Variants in SEPTIN11 observed in about 807,000 individuals in gnomAD.
SEPTIN11 encodes the protein septin 11, also known as septin-11.
SEPTIN11 carries 25 observed loss-of-function variants against 51.4 expected under a neutral mutation model. The observed-to-expected ratio is 0.49, with a 90% confidence interval of 0.35 to 0.68. The LOEUF is 0.68. Ranked by LOEUF, SEPTIN11 falls within the 30% of genes least tolerant of loss-of-function variation. SEPTIN11 has a pLI of 0.00. For synonymous variants in SEPTIN11, 174 were observed against 184.1 expected (o/e 0.95, Z 0.44); for missense variants, 381 against 520.8 (o/e 0.73, Z 2.61).
chr4:76,995,435 T>G (rs1723641434), intron 1 of SEPTIN11, among the ~76,000 whole-genome samples: 1 of 150,818 alleles, frequency 6.6e-6, no homozygotes, highest in South Asian at 2.1e-4. Context: ...AAATGGAGCT[T>G]TGAGGATCAT....
In SEPTIN11 at chr4:76,984,691, T is replaced by G. The variant is rs1402436528; in HGVS notation, c.28-11734T>G. 6.6e-6 allele frequency among the ~76,000 whole-genome samples: 1 copy of G among 152,188 alleles called. No individual in the cohort carries two copies. Among genetic ancestry groups the G allele is most frequent in the Non-Finnish European group, 1.5e-5 (1 of 68,034 alleles). ...CTCCTATTCGTCACTGTTTTGAAGATATTCCATAGGATAAAGACAGGGCAG... is the reference window on the plus strand; with the variant it reads ...CTCCTATTCGTCACTGTTTTGAAGAGATTCCATAGGATAAAGACAGGGCAG... On this transcript the variant is annotated intron_variant, in intron 1 of 9. Coordinates refer to ENST00000264893, the MANE Select transcript of SEPTIN11 (RefSeq NM_018243.4). The surrounding 1 kb of genome is among the most constrained non-coding windows in gnomAD (Gnocchi z 4.1).
chr4:76,986,741 A>G (rs1247781989), intron 1 of SEPTIN11, among the ~76,000 whole-genome samples: 1 of 152,152 alleles, frequency 6.6e-6, no homozygotes, highest in Non-Finnish European at 1.5e-5. Flanking sequence ...TAACCTACCT[A>G]TTAGCTACAA....
chr4:77,010,769 G>C (rs1724807002), intron 3 of SEPTIN11, among the ~76,000 whole-genome samples: 1 of 152,138 alleles, frequency 6.6e-6, no homozygotes, highest in African/African-American at 2.4e-5. Flanking sequence ...ATAAAGTTTG[G>C]GGAGAATTAA....
intron 3 of SEPTIN11, among the ~76,000 whole-genome samples, chr4:77,007,193 G>T (rs947366696): frequency 6.6e-6 from 1 of 152,204 alleles, no homozygotes; most frequent in Admixed American, 6.5e-5. Flanking sequence ...CATAAGGAAA[G>T]GGGCACAAGT....
intron 5 of SEPTIN11, among the ~76,000 whole-genome samples, chr4:77,016,240 G>A (rs775042653): frequency 2.0e-5 from 3 of 151,874 alleles, no homozygotes; most frequent in Non-Finnish European, 4.4e-5. Context: ...GGTAGGTGCT[G>A]TTATTATTCC....
chr4:76,993,683 G>C (rs1051873685), intron 1 of SEPTIN11, among the ~76,000 whole-genome samples: 1 of 152,112 alleles, frequency 6.6e-6, no homozygotes, highest in African/African-American at 2.4e-5. Flanking sequence ...TGACTCTCAG[G>C]TTTCCTTTAA....
rs769449041 is a variant in SEPTIN11 at position 77,014,989 on chromosome 4, C to T, written c.659C>T (p.Thr220Met). Residue 220 changes from threonine (T) to methionine (M), a missense_variant, in exon 5 of 10, where the codon ACG becomes ATG. By Grantham distance (81) the Thr-to-Met change is moderately conservative (BLOSUM62 -1). Transcript: ENST00000264893. The stretch of plus-strand genomic sequence containing the variant: ...TATCAGTTTCCCACTGATGAAGAAA[C>T]GGTGGCAGAGATTAACGCAACAATG... ...QIYQFPTDEE[T>M]VAEINATMSV... 12 of 1,613,554 alleles carry T rather than the reference C, an allele frequency of 7.4e-6. No homozygotes were observed. Among genetic ancestry groups the T allele is most frequent in the Middle Eastern group, 1.6e-4 (1 of 6,080 alleles).
chr4:77,010,658 T>G (rs1449260029), intron 3 of SEPTIN11, among the ~76,000 whole-genome samples: 1 of 152,226 alleles, frequency 6.6e-6, no homozygotes, highest in Admixed American at 6.5e-5. Flanking sequence ...TTATAAAAGA[T>G]TTGTGGTTCC....
Position 77,035,587 on chromosome 4 carries a change from T to A in SEPTIN11, c.*1075T>A. Reference sequence around the variant, plus strand: ...CAACATGACCCGTAAGTCAAGAAGGTAGACATTTCATATCCAGCTTCCTTG... The same window carrying A: ...CAACATGACCCGTAAGTCAAGAAGGAAGACATTTCATATCCAGCTTCCTTG... On this transcript the variant is annotated 3_prime_UTR_variant, in exon 10 of 10. Transcript: ENST00000264893. 1 of 985,436 alleles carries A rather than the reference T, an allele frequency of 1.0e-6. No homozygotes were observed. Among genetic ancestry groups the A allele is most frequent in the Non-Finnish European group, 1.2e-6 (1 of 829,940 alleles). 61.0% of individuals were successfully genotyped at this position (985,436 alleles called of 1,614,324 possible). A position where few individuals can be genotyped will look rare whatever the true frequency, so the allele number is the denominator to read the frequency against.
At chr4:77,010,992 A>T (rs1322209742) in intron 3 of SEPTIN11, among the ~76,000 whole-genome samples, 1 of 152,224 alleles carries the variant, frequency 6.6e-6, no homozygotes, top group Non-Finnish European at 1.5e-5. Context: ...TAATTATCCA[A>T]AACAGATTTG....
At chr4:76,986,799 ATTG>A (rs1723056987) in intron 1 of SEPTIN11, among the ~76,000 whole-genome samples, 1 of 152,204 alleles carries the variant, frequency 6.6e-6, no homozygotes, top group Non-Finnish European at 1.5e-5. Context: ...ATTTAGTATT[ATTG>A]TTATTGATGT....
chr4:77,005,899 G>T, intron 3 of SEPTIN11, 103 bp downstream of exon 3: 2 of 1,080,614 alleles, frequency 1.9e-6, no homozygotes, highest in East Asian at 2.4e-5. Flanking sequence ...TTTAGTTGTG[G>T]GGCTTGGTCC....
intron 1 of SEPTIN11, among the ~76,000 whole-genome samples, chr4:76,988,448 C>T (rs1487437144): frequency 6.6e-6 from 1 of 152,184 alleles, no homozygotes; most frequent in Admixed American, 6.5e-5. Context: ...TAAAGATTTG[C>T]TTTTCTTTTT....
At chr4:77,012,679 T>C (rs980099161) in intron 4 of SEPTIN11, among the ~76,000 whole-genome samples, 1 of 152,216 alleles carries the variant, frequency 6.6e-6, no homozygotes, top group South Asian at 2.1e-4. Flanking sequence ...GTTACTATGA[T>C]TTTATCTAAA....
At chr4:77,030,211 G>A (rs930596662) in intron 8 of SEPTIN11, among the ~76,000 whole-genome samples, 5 of 151,812 alleles carry the variant, frequency 3.3e-5, no homozygotes, top group Non-Finnish European at 4.4e-5. Context: ...AGCTGAGATT[G>A]TGTCACTACT....
chr4:76,996,687 A>T (rs1260734538), intron 2 of SEPTIN11, 148 bp downstream of exon 2: 5 of 610,950 alleles, frequency 8.2e-6, no homozygotes, highest in African/African-American at 1.9e-5. Flanking sequence ...TGCCTTATAC[A>T]TGTCACAAGT....
Position 77,037,493 on chromosome 4 carries a change from G to GA in SEPTIN11, c.*2985dup. ...TGAGAAATTACCATCTTCTACTAGA[G>GA]AAAACCAAGAGAAAAATTTTTATGC... On this transcript the variant is annotated 3_prime_UTR_variant, in exon 10 of 10. Coordinates refer to ENST00000264893, the MANE Select transcript of SEPTIN11 (RefSeq NM_018243.4). 1 of 985,332 alleles carries GA rather than the reference G, an allele frequency of 1.0e-6. No homozygotes were observed. Among genetic ancestry groups the GA allele is most frequent in the Non-Finnish European group, 1.2e-6 (1 of 829,874 alleles). The allele number at this position is 985,332 out of a possible 1,614,324, so 61.0% of individuals were successfully genotyped here. A position where few individuals can be genotyped will look rare whatever the true frequency, so the allele number is the denominator to read the frequency against.
chr4:77,038,485 G>A lies in SEPTIN11; in HGVS notation c.*3973G>A. On this transcript the variant is annotated 3_prime_UTR_variant, in exon 10 of 10. Coordinates refer to ENST00000264893, the MANE Select transcript of SEPTIN11 (RefSeq NM_018243.4). The stretch of plus-strand genomic sequence containing the variant: ...GCATATCATTTTTTCAAATATGAAA[G>A]TGATCACTTAGCAACATGCTTGGTA... 1 of 985,940 alleles carries A rather than the reference G, an allele frequency of 1.0e-6. No homozygotes were observed. Among genetic ancestry groups the A allele is most frequent in the African/African-American group, 1.7e-5 (1 of 57,360 alleles). The allele number at this position is 985,940 out of a possible 1,614,324, so 61.1% of individuals were successfully genotyped here.
chr4:77,003,987 A>G (rs1470919419), intron 2 of SEPTIN11, among the ~76,000 whole-genome samples: 1 of 152,154 alleles, frequency 6.6e-6, no homozygotes, highest in Admixed American at 6.5e-5. Flanking sequence ...AGAAAGAAAA[A>G]AGGTATCCCT....
Sources: gnomAD v4.1 joint callset for allele counts (sites outside exome capture counted in the v4.1 genomes callset) on GRCh38, gnomAD v4.1.1 for gene constraint, Gnocchi (gnomAD v3.1) non-coding constraint, MANE v1.5 for transcripts, NCBI Gene and HGNC (gene_info 2026-07-23, HGNC 2026-07-21) for gene names.